The following VDAC1 variants were observed in gnomAD, a reference collection of about 807,000 sequenced individuals.
VDAC1 encodes the protein non-selective voltage-gated ion channel VDAC1.
In VDAC1, 10 loss-of-function variants were observed where a neutral mutation model predicts 34.7. The ratio of observed to expected loss-of-function variants is 0.29; its 90% CI spans 0.18 to 0.49. VDAC1 has a LOEUF of 0.49. Ranked by LOEUF, VDAC1 falls within the 20% of genes least tolerant of loss-of-function variation. The probability of loss-of-function intolerance (pLI) is 0.99; values close to 1 mark genes in which losing one functional copy is unlikely to be tolerated. For synonymous variants in VDAC1, 130 were observed against 136.0 expected (o/e 0.96, Z 0.30); for missense variants, 230 against 347.9 (o/e 0.66, Z 2.69).
At chr5:134,061,146 T>C in the VDAC1 span, among the ~76,000 whole-genome samples, 1 of 148,188 alleles carries the variant, frequency 6.7e-6, no homozygotes, top group African/African-American at 2.5e-5. Flanking sequence ...ATTACAGACA[T>C]GAGCCACCAC....
intron 8 of VDAC1, among the ~76,000 whole-genome samples, chr5:133,973,176 T>C (rs545810628): frequency 2.6e-5 from 4 of 152,350 alleles, no homozygotes; most frequent in African/African-American, 9.6e-5. Flanking sequence ...TAAGCTTCTT[T>C]GGCAATCATC....
intron 6 of VDAC1, among the ~76,000 whole-genome samples, chr5:133,978,187 G>C (rs1287512563): frequency 6.6e-6 from 1 of 150,916 alleles, no homozygotes; most frequent in East Asian, 1.9e-4. Context: ...TTTTCCCCAA[G>C]ATGGGATCTT....
the VDAC1 span, among the ~76,000 whole-genome samples, chr5:134,104,937 G>A: frequency 5.3e-5 from 8 of 152,280 alleles, no homozygotes; most frequent in South Asian, 4.1e-4. Context: ...GGTCCCAAGC[G>A]GTTCCTTGAT....
At chr5:134,014,357 C>G in the VDAC1 span, among the ~76,000 whole-genome samples, 1 of 152,148 alleles carries the variant, frequency 6.6e-6, no homozygotes, top group Non-Finnish European at 1.5e-5. Context: ...CATCACTAAT[C>G]ATCAGATAAA....
the VDAC1 span, among the ~76,000 whole-genome samples, chr5:134,033,538 G>A: frequency 6.6e-6 from 1 of 151,918 alleles, no homozygotes; most frequent in Non-Finnish European, 1.5e-5. Context: ...GAGGAAATGT[G>A]AATGGATAGA....
chr5:134,077,227 A>G, the VDAC1 span, among the ~76,000 whole-genome samples: 3 of 144,934 alleles, frequency 2.1e-5, no homozygotes, highest in Non-Finnish European at 4.5e-5. Flanking sequence ...CAGTGAGCTG[A>G]GATTGCATCG....
the VDAC1 span, among the ~76,000 whole-genome samples, chr5:134,110,547 T>G: frequency 2.0e-5 from 3 of 152,346 alleles, no homozygotes; most frequent in East Asian, 5.8e-4. Context: ...ACCGTGTTTC[T>G]AGTAACAAAC....
At chr5:134,114,230 C>T in the VDAC1 span, among the ~76,000 whole-genome samples, 1 of 152,156 alleles carries the variant, frequency 6.6e-6, no homozygotes, top group African/African-American at 2.4e-5. Flanking sequence ...GGAGTTCCAA[C>T]GCTGCCGGTT....
chr5:133,981,606 C>A (rs1214670187), intron 5 of VDAC1, among the ~76,000 whole-genome samples: 2 of 152,194 alleles, frequency 1.3e-5, no homozygotes, highest in Non-Finnish European at 2.9e-5. Flanking sequence ...CCAGGTCCAA[C>A]CTGATGATAC....
At chr5:134,050,996 G>A in the VDAC1 span, among the ~76,000 whole-genome samples, 6 of 152,230 alleles carry the variant, frequency 3.9e-5, 1 homozygote, top group East Asian at 1.2e-3. Flanking sequence ...AGAGTTGGCA[G>A]TGTATTAGGC....
the VDAC1 span, among the ~76,000 whole-genome samples, chr5:134,053,047 G>A: frequency 1.3e-5 from 2 of 152,144 alleles, no homozygotes; most frequent in Admixed American, 6.5e-5. Context: ...CCCAGGAGGT[G>A]GAGGTTGCGG....
chr5:134,058,462 C>T, the VDAC1 span, among the ~76,000 whole-genome samples: 7 of 151,980 alleles, frequency 4.6e-5, no homozygotes, highest in Admixed American at 6.6e-5. Flanking sequence ...TACAGGCACC[C>T]GCCACCACAC....
At chr5:134,056,416 C>T in the VDAC1 span, among the ~76,000 whole-genome samples, 3 of 149,006 alleles carry the variant, frequency 2.0e-5, no homozygotes, top group Non-Finnish European at 4.4e-5. Flanking sequence ...TTTACAATTG[C>T]CAACAAAGCT....
At chr5:134,006,986 G>A (rs1173293126), upstream of VDAC1, among the ~76,000 whole-genome samples, 3 of 152,012 alleles carry the variant, frequency 2.0e-5, no homozygotes, top group Admixed American at 6.6e-5. Context: ...GCTCACTCCT[G>A]TAATCCCAGC....
At chr5:134,015,584 C>T in the VDAC1 span, among the ~76,000 whole-genome samples, 1 of 152,046 alleles carries the variant, frequency 6.6e-6, no homozygotes, top group Non-Finnish European at 1.5e-5. Context: ...ACCTGTAATC[C>T]CAGCTATTCG....
At chr5:134,045,866 G>A in the VDAC1 span, among the ~76,000 whole-genome samples, 1 of 150,964 alleles carries the variant, frequency 6.6e-6, no homozygotes, top group African/African-American at 2.4e-5. Flanking sequence ...CATATTTTTA[G>A]TAGAGGCAGG....
At chr5:134,017,192 C>T in the VDAC1 span, among the ~76,000 whole-genome samples, 5 of 152,318 alleles carry the variant, frequency 3.3e-5, no homozygotes, top group South Asian at 2.1e-4. Context: ...TCAAGCCGGG[C>T]GCGGTGGCTC....
chr5:134,095,248 G>A, the VDAC1 span, among the ~76,000 whole-genome samples: 1 of 152,272 alleles, frequency 6.6e-6, no homozygotes, highest in East Asian at 1.9e-4. Context: ...TTGGGAGGCT[G>A]AGGCAGGAGG....
chr5:134,027,105 C>T, the VDAC1 span, among the ~76,000 whole-genome samples: 1 of 152,326 alleles, frequency 6.6e-6, no homozygotes, highest in South Asian at 2.1e-4. Context: ...AAGCATCTTA[C>T]ACAGGACAGG....
Sources: gnomAD v4.1 joint callset for allele counts (sites outside exome capture counted in the v4.1 genomes callset) on GRCh38, gnomAD v4.1.1 for gene constraint, MANE v1.5 for transcripts, NCBI Gene and HGNC (gene_info 2026-07-23, HGNC 2026-07-21) for gene names.